CDH12: variants seen among roughly 807,000 people sequenced by gnomAD.
CDH12 encodes cadherin-12.
CDH12 carries 41 observed loss-of-function variants against 74.1 expected under a neutral mutation model. The ratio of observed to expected loss-of-function variants is 0.55; its 90% confidence interval spans 0.43 to 0.72. The LOEUF is 0.72. CDH12 is among the 30% of genes least tolerant of loss of function. The probability of loss-of-function intolerance (pLI) is 0.00; values close to 1 mark genes in which losing one functional copy is unlikely to be tolerated. For synonymous variants in CDH12, 399 were observed against 355.0 expected (o/e 1.12, Z -1.39); for missense variants, 945 against 977.2 (o/e 0.97, Z 0.44).
At chr5:22,803,795 T>C (rs993160066) in intron 1 of CDH12, among the ~76,000 whole-genome samples, 4 of 152,196 alleles carry the variant, frequency 2.6e-5, no homozygotes, top group Non-Finnish European at 5.9e-5. Flanking sequence ...TGATGAGCGT[T>C]TTCAAATCCT....
intron 4 of CDH12, among the ~76,000 whole-genome samples, chr5:22,091,277 T>TTG (rs375919418): frequency 0.013 from 1,901 of 144,350 alleles, 25 homozygotes; most frequent in South Asian, 0.059. Context: ...GTGTGTGTGT[T>TTG]TGTGTGTGTG....
intron 6 of CDH12, among the ~76,000 whole-genome samples, chr5:21,855,027 T>C (rs575200431): frequency 6.6e-6 from 1 of 151,886 alleles, no homozygotes; most frequent in Admixed American, 6.6e-5. Context: ...TTCCAGGAGC[T>C]GGATCATCGA....
intron 4 of CDH12, among the ~76,000 whole-genome samples, chr5:22,093,651 G>C (rs570478581): frequency 1.3e-5 from 2 of 152,170 alleles, no homozygotes; most frequent in South Asian, 4.2e-4. Context: ...ACGGGTTTGG[G>C]GTTCCTTCTT....
At chr5:22,842,960 A>G (rs1230401270) in intron 1 of CDH12, among the ~76,000 whole-genome samples, 1 of 152,110 alleles carries the variant, frequency 6.6e-6, no homozygotes, top group Admixed American at 6.6e-5. Flanking sequence ...GAGAAAAGGC[A>G]GGTGCATTTT....
chr5:21,965,567 T>TTAATTATTTG (rs1399814702), intron 6 of CDH12, among the ~76,000 whole-genome samples: 2 of 152,000 alleles, frequency 1.3e-5, no homozygotes, highest in Non-Finnish European at 2.9e-5. Flanking sequence ...GTTCATTTTG[T>TTAATTATTTG]TAATTATTTG....
intron 1 of CDH12, among the ~76,000 whole-genome samples, chr5:22,850,086 G>A (rs555437859): frequency 4.6e-5 from 7 of 152,042 alleles, no homozygotes; most frequent in South Asian, 2.1e-4. Context: ...CTCACAAAAC[G>A]TAGAATAACA....
In CDH12 at chr5:22,666,282, C is replaced by CTTTTTTTTTTT. The variant is rs1161509257; in HGVS notation, c.-522-160929_-522-160919dup. 2.0e-3 allele frequency among the ~76,000 whole-genome samples: 166 copies of CTTTTTTTTTTT among 83,508 alleles called. 9 individuals carry two copies. The highest frequency in any genetic ancestry group is 6.2e-3 in the African/African-American group (131 of 21,146). The allele number at this position is 83,508 out of a possible 152,430, so 54.8% of individuals were successfully genotyped here. A position where few individuals can be genotyped will look rare whatever the true frequency, so the allele number is the denominator to read the frequency against. ...TTATGGGATTTCTGTATCTCTCTAT[C>CTTTTTTTTTTT]TTTTTTTTTTTTTTTTTTTGTTTTT... On this transcript the variant is annotated intron_variant, in intron 1 of 14. Transcript: ENST00000382254.
At chr5:22,425,974 G>T (rs1467421850) in intron 2 of CDH12, among the ~76,000 whole-genome samples, 2 of 151,798 alleles carry the variant, frequency 1.3e-5, no homozygotes, top group African/African-American at 2.4e-5. Context: ...GGATCACAAG[G>T]TCAAGGAATC....
At chr5:22,438,099 T>G (rs1056289045) in intron 2 of CDH12, among the ~76,000 whole-genome samples, 3 of 151,988 alleles carry the variant, frequency 2.0e-5, no homozygotes, top group Non-Finnish European at 2.9e-5. Flanking sequence ...TATCTTTACT[T>G]AGAAACGTCT....
chr5:22,307,196 C>T lies in CDH12; in HGVS notation c.-332-94553G>A, dbSNP rs1012534083. On this transcript the variant is annotated intron_variant, in intron 3 of 14. Coordinates refer to ENST00000382254, the MANE Select transcript of CDH12 (RefSeq NM_004061.5). Reference sequence around the variant, plus strand: ...TTATAACTCTACCCCACTTTGACTGCTCCCAAAGAGCATGGCTCTGAATTC... The same window carrying T: ...TTATAACTCTACCCCACTTTGACTGTTCCCAAAGAGCATGGCTCTGAATTC... 1.6e-4 allele frequency among the ~76,000 whole-genome samples: 25 copies of T among 152,162 alleles called. 1 individual carries two copies. Among genetic ancestry groups the T allele is most frequent in the African/African-American group, 6.0e-4 (25 of 41,454 alleles).
chr5:22,706,599 A>G (rs552867481), intron 1 of CDH12, among the ~76,000 whole-genome samples: 1 of 152,016 alleles, frequency 6.6e-6, no homozygotes, highest in South Asian at 2.1e-4. Context: ...TCTCAATTAG[A>G]GAGTATATAA....
At chr5:22,238,242 G>A (rs1752625933) in intron 3 of CDH12, among the ~76,000 whole-genome samples, 2 of 152,152 alleles carry the variant, frequency 1.3e-5, no homozygotes, top group African/African-American at 4.8e-5. Flanking sequence ...TTAACAGTAG[G>A]CAAACATTGC....
chr5:21,971,380 G>A lies in CDH12; in HGVS notation c.526+3711C>T, dbSNP rs1033838605. Among the ~76,000 whole-genome samples the A allele has an allele frequency of 7.2e-4, 109 of 152,020 alleles. 1 individual carries two copies. Among genetic ancestry groups the A allele is most frequent in the African/African-American group, 2.2e-3 (93 of 41,470 alleles). On this transcript the variant is annotated intron_variant, in intron 6 of 14. Transcript: ENST00000382254. Reference sequence around the variant, plus strand: ...ATCCAACAGTGAATAATACTGCATTGGGGTTACTGTAATTGTTAAGTAAAA... The same window carrying A: ...ATCCAACAGTGAATAATACTGCATTAGGGTTACTGTAATTGTTAAGTAAAA...
chr5:22,611,568 C>A (rs1229325081), intron 1 of CDH12, among the ~76,000 whole-genome samples: 2 of 152,060 alleles, frequency 1.3e-5, no homozygotes, highest in Non-Finnish European at 2.9e-5. Context: ...TTAGAGTAGC[C>A]TTTAGCCTGT....
intron 1 of CDH12, among the ~76,000 whole-genome samples, chr5:22,739,658 C>T (rs538326664): frequency 1.4e-4 from 21 of 152,110 alleles, no homozygotes; most frequent in South Asian, 8.3e-4. Context: ...AACAAATCTC[C>T]GGAAGTTATT....
At chr5:22,780,750 A>T (rs1186580570) in intron 1 of CDH12, among the ~76,000 whole-genome samples, 1 of 152,162 alleles carries the variant, frequency 6.6e-6, no homozygotes, top group Non-Finnish European at 1.5e-5. Context: ...ACTCTGGCGT[A>T]GGTGACAGAA....
chr5:22,699,127 C>A (rs1304814048), intron 1 of CDH12, among the ~76,000 whole-genome samples: 11 of 152,058 alleles, frequency 7.2e-5, no homozygotes, highest in African/African-American at 2.7e-4. Context: ...AAAAGTGTAA[C>A]CAAACGAGAT....
chr5:22,692,503 T>C (rs1742135366), intron 1 of CDH12, among the ~76,000 whole-genome samples: 2 of 151,822 alleles, frequency 1.3e-5, no homozygotes, highest in South Asian at 4.2e-4. Flanking sequence ...AGGTGCAATA[T>C]ATTAAAGAGG....
chr5:22,535,248 G>A (rs570199182), intron 1 of CDH12, among the ~76,000 whole-genome samples: 34 of 145,384 alleles, frequency 2.3e-4, no homozygotes, highest in African/African-American at 7.9e-4. Context: ...TCCGCTTCCC[G>A]GGTTCACGCC....
Sources: gnomAD v4.1 joint callset for allele counts (sites outside exome capture counted in the v4.1 genomes callset) on GRCh38, gnomAD v4.1.1 for gene constraint, MANE v1.5 for transcripts, NCBI Gene and HGNC (gene_info 2026-07-23, HGNC 2026-07-21) for gene names.